Variants in RPS6KA2 observed in about 807,000 individuals in gnomAD.
The protein encoded by RPS6KA2 is ribosomal protein S6 kinase alpha-2.
RPS6KA2 carries 42 observed loss-of-function variants against 91.8 expected under a neutral mutation model. That is an observed-to-expected ratio of 0.46 (90% CI 0.36 to 0.59). The LOEUF (loss-of-function observed/expected upper bound fraction) is 0.59. RPS6KA2 is among the 20% of genes least tolerant of loss of function. The pLI is 0.00. For missense variants in RPS6KA2, 798 were observed against 978.5 expected, an observed-to-expected ratio of 0.82 and a Z score of 2.46; for synonymous variants, 414 against 393.6, an observed-to-expected ratio of 1.05 and a Z score of -0.61.
At position 166,858,363 on chromosome 6, in the gene RPS6KA2, A is replaced by G. The variant is rs554020173; in HGVS notation, c.64-104T>C. 1.9e-5 allele frequency: 13 copies of G among 680,318 alleles called. No individual in the cohort carries two copies. In the East Asian group the frequency reaches 3.4e-4, roughly 18 times the overall value. 42.1% of individuals were successfully genotyped at this position (680,318 alleles called of 1,614,324 possible). A position where few individuals can be genotyped will look rare whatever the true frequency, so the allele number is the denominator to read the frequency against. ...AAAAAGTACTAACTAAATATCCCGC[A>G]TGATTTCTGTAGGACATGGAAACCA... is the stretch of plus-strand genomic sequence containing the variant. On this transcript the variant is annotated intron_variant, in intron 1 of 21. Coordinates refer to the RPS6KA2 transcript ENST00000503859.
At chr6:166,610,030 C>T (rs990005248) in intron 1 of RPS6KA2, among the ~76,000 whole-genome samples, 17 of 152,014 alleles carry the variant, frequency 1.1e-4, no homozygotes, top group African/African-American at 4.1e-4. Flanking sequence ...ATTTTTTTCT[C>T]TCCTCCTATC....
At chr6:166,432,977 A>G (rs2128446534) in intron 14 of RPS6KA2, among the ~76,000 whole-genome samples, 1 of 147,234 alleles carries the variant, frequency 6.8e-6, no homozygotes, top group South Asian at 2.2e-4. Flanking sequence ...CCTGGGTGAC[A>G]GAGCGAGACT....
rs56332833 is a variant in RPS6KA2 at position 166,662,382 on chromosome 6, C to T, written c.124-123598G>A. ...GCAGGGGTGGTAAGAGATGGGTTGG[C>T]GCAGGAGGTATGAAAACTTACTCCA... On this transcript the variant is annotated intron_variant, in intron 2 of 21. Coordinates refer to the RPS6KA2 transcript ENST00000503859. The surrounding 1 kb of genome is among the most constrained non-coding windows in gnomAD (Gnocchi z 4.3). Among the ~76,000 whole-genome samples the T allele has an allele frequency of 3.6e-3, 547 of 152,190 alleles. No individual in the cohort carries two copies. The highest frequency in any genetic ancestry group is 6.0e-3 in the Non-Finnish European group (409 of 68,014).
chr6:166,429,758 T>A (rs1379896482), intron 16 of RPS6KA2, among the ~76,000 whole-genome samples: 1 of 152,080 alleles, frequency 6.6e-6, no homozygotes, highest in Non-Finnish European at 1.5e-5. Context: ...GCAAAATTAT[T>A]GTTCTTTTGT....
chr6:166,784,624 A>G lies in RPS6KA2; in HGVS notation c.123+73576T>C, dbSNP rs9366054. On this transcript the variant is annotated intron_variant, in intron 2 of 21. Transcript: ENST00000503859. ...TGCACACCTATGCAGAACCACATAT[A>G]CACACGTGCACACCTATGCAGAACC... Among the ~76,000 whole-genome samples the G allele has an allele frequency of 2.3e-4, 13 of 55,466 alleles. 4 individuals carry two copies. Among genetic ancestry groups the G allele is most frequent in the African/African-American group, 8.3e-4 (10 of 12,060 alleles). 36.4% of individuals were successfully genotyped at this position (55,466 alleles called of 152,430 possible).
chr6:166,846,645 G>C (rs1291858226), intron 2 of RPS6KA2, among the ~76,000 whole-genome samples: 1 of 152,174 alleles, frequency 6.6e-6, no homozygotes, highest in Non-Finnish European at 1.5e-5. Flanking sequence ...AAAAGCATTT[G>C]ACAATATCCA....
chr6:166,690,201 C>T (rs564582677), intron 2 of RPS6KA2, among the ~76,000 whole-genome samples: 4 of 152,220 alleles, frequency 2.6e-5, no homozygotes, highest in South Asian at 2.1e-4. Context: ...ATTGGGGTGA[C>T]GGGGTCTTTT....
At chr6:166,780,940 C>A (rs1010922600) in intron 2 of RPS6KA2, among the ~76,000 whole-genome samples, 1 of 152,196 alleles carries the variant, frequency 6.6e-6, no homozygotes, top group African/African-American at 2.4e-5. Flanking sequence ...CAATCAAGTT[C>A]ATCACAATCA....
At chr6:166,606,837 A>G (rs1785970767) in intron 1 of RPS6KA2, among the ~76,000 whole-genome samples, 1 of 152,126 alleles carries the variant, frequency 6.6e-6, no homozygotes, top group South Asian at 2.1e-4. Flanking sequence ...GAACAATAAC[A>G]AGTGGGGAAA....
chr6:166,534,489 C>T (rs1783418157), intron 2 of RPS6KA2, among the ~76,000 whole-genome samples: 1 of 152,220 alleles, frequency 6.6e-6, no homozygotes, highest in African/African-American at 2.4e-5. Context: ...CCTCTGCACT[C>T]AACCCCTAAC....
In RPS6KA2 at chr6:166,770,874, C is replaced by T; in HGVS notation, c.123+87326G>A. 6.3e-7 allele frequency: 1 copy of T among 1,596,748 alleles called. No individual in the cohort carries two copies. Among genetic ancestry groups the T allele is most frequent in the Non-Finnish European group, 8.5e-7 (1 of 1,179,444 alleles). On this transcript the variant is annotated intron_variant, in intron 2 of 21. Coordinates refer to the RPS6KA2 transcript ENST00000503859. The surrounding 1 kb of genome is among the most constrained non-coding windows in gnomAD (Gnocchi z 5.1). Reference sequence around the variant, plus strand: ...GGAACGCTTCTTACCTCTACGGATCCAGCTACCTTTGTCTTGCAGGCAGCT... The same window carrying T: ...GGAACGCTTCTTACCTCTACGGATCTAGCTACCTTTGTCTTGCAGGCAGCT...
chr6:166,695,335 G>A (rs527737435), intron 2 of RPS6KA2, among the ~76,000 whole-genome samples: 205 of 152,276 alleles, frequency 1.3e-3, no homozygotes, highest in African/African-American at 4.4e-3. Context: ...ACAACCCCCA[G>A]GAGCAAACCC....
At chr6:166,525,868 A>G (rs1182376819) in intron 3 of RPS6KA2, among the ~76,000 whole-genome samples, 1 of 152,112 alleles carries the variant, frequency 6.6e-6, no homozygotes, top group East Asian at 1.9e-4. Flanking sequence ...GAGGGTGGAG[A>G]ACGGGTTAGG....
intron 2 of RPS6KA2, among the ~76,000 whole-genome samples, chr6:166,819,371 G>C (rs1192010973): frequency 6.6e-6 from 1 of 152,144 alleles, no homozygotes; most frequent in African/African-American, 2.4e-5. Context: ...CTCAGGGTCT[G>C]TTGGGGATTG....
At chr6:166,756,790 G>A (rs1022421137) in intron 2 of RPS6KA2, among the ~76,000 whole-genome samples, 1 of 152,196 alleles carries the variant, frequency 6.6e-6, no homozygotes, top group African/African-American at 2.4e-5. Context: ...AGGTTGTGGT[G>A]AGCCGAGATG....
chr6:166,812,257 G>A (rs1212032255), intron 2 of RPS6KA2, among the ~76,000 whole-genome samples: 1 of 152,216 alleles, frequency 6.6e-6, no homozygotes, highest in Non-Finnish European at 1.5e-5. Flanking sequence ...TCAGGAGGCT[G>A]AGGCAGAAGA....
upstream of RPS6KA2, among the ~76,000 whole-genome samples, chr6:166,630,638 A>G (rs539827061): frequency 5.9e-5 from 9 of 152,284 alleles, no homozygotes; most frequent in Admixed American, 2.6e-4. Context: ...ATCCTGCTGG[A>G]TGCTCCAGAG....
In RPS6KA2 at chr6:166,479,164, G is replaced by A. The variant is rs111855202; in HGVS notation, c.908-9259C>T. ...GCCCTGGCTGCAGGCATTTGTGCGC[G>A]TCTGGGCTGCAGCTGGCCTTGCTGT... On this transcript the variant is annotated intron_variant, in intron 10 of 20. Coordinates refer to ENST00000265678, the MANE Select transcript of RPS6KA2 (RefSeq NM_021135.6). 4.0e-3 allele frequency among the ~76,000 whole-genome samples: 612 copies of A among 152,310 alleles called. 4 individuals are homozygous for A. The highest frequency in any genetic ancestry group is 0.014 in the African/African-American group (580 of 41,562).
rs1789513652 is a variant in RPS6KA2 at position 166,701,346 on chromosome 6, A to G, written c.123+156854T>C. On this transcript the variant is annotated intron_variant, in intron 2 of 21. Coordinates refer to the RPS6KA2 transcript ENST00000503859. ...TTCCAGTAACTGCCAGCAGCAAAGG[A>G]TGGCACTCTGATATGAGCTTCAAGT... The G allele has an allele frequency of 3.3e-6, 5 of 1,523,786 alleles. No individual in the cohort carries two copies. In the South Asian group the frequency reaches 4.5e-5, roughly 14 times the overall value. 94.4% of individuals were successfully genotyped at this position (1,523,786 alleles called of 1,614,324 possible).
Sources: gnomAD v4.1 joint callset for allele counts (sites outside exome capture counted in the v4.1 genomes callset) on GRCh38, gnomAD v4.1.1 for gene constraint, Gnocchi (gnomAD v3.1) non-coding constraint, MANE v1.5 for transcripts, NCBI Gene and HGNC (gene_info 2026-07-23, HGNC 2026-07-21) for gene names.